PRORP: variants seen among roughly 807,000 people sequenced by gnomAD.
PRORP encodes protein only RNase P catalytic subunit.
In PRORP, 51 loss-of-function variants were observed where a neutral mutation model predicts 59.4. The ratio of observed to expected loss-of-function variants is 0.86; its 90% CI spans 0.69 to 1.08. The LOEUF (loss-of-function observed/expected upper bound fraction) is 1.08, where lower values mean the gene tolerates loss of function less well. PRORP is among the 50% of genes least tolerant of loss of function. The probability of loss-of-function intolerance (pLI) is 0.00; values close to 1 mark genes in which losing one functional copy is unlikely to be tolerated. For missense variants in PRORP, 646 were observed against 690.3 expected (o/e 0.94, Z 0.72); for synonymous variants, 231 against 245.6 (o/e 0.94, Z 0.55).
In PRORP at chr14:35,270,453, T is replaced by C; in HGVS notation, c.1477T>C (p.Cys493Arg). 6.2e-7 allele frequency: 1 copy of C among 1,614,140 alleles called. No homozygotes were observed. The highest frequency in any genetic ancestry group is 8.5e-7 in the Non-Finnish European group (1 of 1,180,026). Reference protein sequence around the residue: ...LYATLHSGNHCRFITRDLMRD... With the variant: ...LYATLHSGNHRRFITRDLMRD... ...TGCCACACTGCACTCCGGGAATCAC[T>C]GCAGGTTTATCACAAGAGACCTGAT... is the stretch of plus-strand genomic sequence containing the variant. The change falls in exon 7 of 8, where the codon TGC becomes CGC. Residue 493 changes from cysteine to arginine, a missense_variant. Coordinates refer to ENST00000534898, the MANE Select transcript of PRORP (RefSeq NM_014672.4).
intron 4 of PRORP, among the ~76,000 whole-genome samples, chr14:35,156,262 T>C (rs2047911534): frequency 6.6e-6 from 1 of 152,188 alleles, no homozygotes; most frequent in Non-Finnish European, 1.5e-5. Context: ...TAATAAGATC[T>C]CCGGCACATT....
chr14:35,223,456 CTTTTT>C (rs5807819), intron 5 of PRORP, among the ~76,000 whole-genome samples: 3 of 81,454 alleles, frequency 3.7e-5, no homozygotes, highest in Non-Finnish European at 7.1e-5. Flanking sequence ...TAGACTTTAA[CTTTTT>C]TTTTTTTTTT....
intron 5 of PRORP, among the ~76,000 whole-genome samples, chr14:35,225,764 G>A (rs966576445): frequency 2.6e-5 from 4 of 152,054 alleles, no homozygotes; most frequent in African/African-American, 9.7e-5. Flanking sequence ...AAACAGCTTA[G>A]GGCTGGGCAC....
intron 5 of PRORP, among the ~76,000 whole-genome samples, chr14:35,193,634 A>AT (rs34186766): frequency 0.13 from 16,891 of 129,782 alleles, 1,037 homozygotes; most frequent in Middle Eastern, 0.24. Flanking sequence ...TCCCGGGTGT[A>AT]TTTTTTTTTT....
At chr14:35,172,418 TTC>T (rs2048334183) in intron 4 of PRORP, among the ~76,000 whole-genome samples, 5 of 32,466 alleles carry the variant, frequency 1.5e-4, no homozygotes, top group Non-Finnish European at 6.5e-4. Context: ...CTTTCTTTCC[TTC>T]CTTCCTTCCT....
chr14:35,142,914 C>G (rs575460141), intron 4 of PRORP, among the ~76,000 whole-genome samples: 1 of 145,100 alleles, frequency 6.9e-6, no homozygotes, highest in Non-Finnish European at 1.5e-5. Context: ...GCCCTGAGCT[C>G]AAGTGATCCT....
rs751051727 is a variant in PRORP, at chr14:35,123,682, C to T, written c.437C>T (p.Ser146Leu). The T allele has an allele frequency of 1.9e-6, 3 of 1,614,192 alleles. No individual in the cohort carries two copies. Among genetic ancestry groups the T allele is most frequent in the Admixed American group, 3.3e-5 (2 of 60,024 alleles). ...ACCAGTTTCGAAAGTTGGATCATTT[C>T]ACAGATGGCTGGCTGTCATAGCTCT... Reference protein sequence around the residue: ...GKTSFESWIISQMAGCHSSID... With the variant: ...GKTSFESWIILQMAGCHSSID... Residue 146 changes from serine (S) to leucine (L), a missense_variant, in exon 2 of 8, where the codon TCA (serine) becomes TTA (leucine). Transcript: ENST00000534898.
chr14:35,214,601 C>G (rs748227892), intron 5 of PRORP, among the ~76,000 whole-genome samples: 4 of 152,122 alleles, frequency 2.6e-5, no homozygotes, highest in Non-Finnish European at 5.9e-5. Flanking sequence ...GGGTGTGGTT[C>G]CTGGCACCCC....
chr14:35,271,900 C>T (rs147767716), intron 7 of PRORP, among the ~76,000 whole-genome samples: 62 of 152,182 alleles, frequency 4.1e-4, no homozygotes, highest in Non-Finnish European at 5.9e-4. Flanking sequence ...GTGGCGTGTG[C>T]CTATAATCCC....
intron 5 of PRORP, among the ~76,000 whole-genome samples, chr14:35,209,474 G>A (rs983291166): frequency 6.6e-6 from 1 of 152,136 alleles, no homozygotes; most frequent in Non-Finnish European, 1.5e-5. Context: ...TCATGTTAAG[G>A]TCGGTTTTAA....
At chr14:35,133,626 A>G (rs1310704160) in intron 4 of PRORP, among the ~76,000 whole-genome samples, 2 of 151,918 alleles carry the variant, frequency 1.3e-5, no homozygotes, top group Admixed American at 6.6e-5. Flanking sequence ...GCTTGTTTGT[A>G]CCTTTCCTTC....
At chr14:35,266,639 A>T in intron 5 of PRORP, 88 bp from the exon 6 acceptor site, 4 of 1,379,978 alleles carry the variant, frequency 2.9e-6, no homozygotes, top group Non-Finnish European at 4.0e-6. Context: ...AGAGTGCTTC[A>T]CCATTGAGGT....
At chr14:35,236,389 C>G (rs1207600932) in intron 5 of PRORP, among the ~76,000 whole-genome samples, 1 of 152,136 alleles carries the variant, frequency 6.6e-6, no homozygotes, top group African/African-American at 2.4e-5. Context: ...TTTCTGTCCT[C>G]CTCATCTAAA....
At chr14:35,260,687 A>G (rs1356507040) in intron 5 of PRORP, among the ~76,000 whole-genome samples, 1 of 152,250 alleles carries the variant, frequency 6.6e-6, no homozygotes, top group African/African-American at 2.4e-5. Flanking sequence ...TTATGCACCT[A>G]TCACAGTTTG....
Position 35,138,984 on chromosome 14 carries a change from T to A in PRORP, c.1167+11373T>A, listed in dbSNP as rs182067641. ...TTTTGTATTTTTTGTAGAGACGGGG[T>A]TTTACCATGTTGGCTAGGCTGGTGT... On this transcript the variant is annotated intron_variant, in intron 4 of 7. Transcript: ENST00000534898. Among the ~76,000 whole-genome samples, 62 of 144,562 alleles carry A rather than the reference T, an allele frequency of 4.3e-4. 2 individuals are homozygous for A. Among genetic ancestry groups the A allele is most frequent in the African/African-American group, 1.3e-3 (55 of 40,942 alleles). The allele number at this position is 144,562 out of a possible 152,430, so 94.8% of individuals were successfully genotyped here.
intron 5 of PRORP, among the ~76,000 whole-genome samples, chr14:35,200,481 C>T (rs971625337): frequency 3.0e-4 from 46 of 152,044 alleles, no homozygotes; most frequent in Admixed American, 2.9e-3. Context: ...TGAGCCACCG[C>T]GCCCGGCCTA....
At chr14:35,192,497 C>T (rs377134228) in intron 5 of PRORP, among the ~76,000 whole-genome samples, 1 of 152,112 alleles carries the variant, frequency 6.6e-6, no homozygotes, top group East Asian at 1.9e-4. Context: ...GAAAAGAGAC[C>T]ATGCTGTTGT....
At position 35,259,270 on chromosome 14, in the gene PRORP, G is replaced by A. The variant is rs1021751780; in HGVS notation, c.1276-7457G>A. 2.6e-4 allele frequency among the ~76,000 whole-genome samples: 40 copies of A among 152,038 alleles called. 1 individual carries two copies. Among genetic ancestry groups the A allele is most frequent in the Non-Finnish European group, 8.8e-5 (6 of 68,008 alleles). On this transcript the variant is annotated intron_variant, in intron 5 of 7. Transcript: ENST00000534898. ...ATTTAATATTAATATAGCCACTCCA[G>A]CTTTCCTTTCATTGTTTGCATGCTA...
At chr14:35,159,678 T>C (rs889196733) in intron 4 of PRORP, among the ~76,000 whole-genome samples, 6 of 152,356 alleles carry the variant, frequency 3.9e-5, no homozygotes, top group African/African-American at 1.4e-4. Context: ...ACATTTATTA[T>C]GTCATAGCTA....
Sources: allele counts gnomAD v4.1 joint callset (sites outside exome capture counted in the v4.1 genomes callset), GRCh38; gene constraint gnomAD v4.1.1; transcripts MANE v1.5; gene names NCBI Gene and HGNC (gene_info 2026-07-23, HGNC 2026-07-21).